Variants in COL11A1 observed in about 807,000 individuals in gnomAD.
COL11A1 encodes collagen type XI alpha 1 chain, also known as collagen alpha-1(XI) chain.
In COL11A1, 74 loss-of-function variants were observed where a neutral mutation model predicts 265.2. The observed-to-expected ratio is 0.28, with a 90% CI of 0.23 to 0.34. COL11A1 has a LOEUF of 0.34. Ranked by LOEUF, COL11A1 falls within the 10% of genes least tolerant of loss-of-function variation. The pLI is 1.00. For synonymous variants in COL11A1, 816 were observed against 727.6 expected (o/e 1.12, Z -1.96); for missense variants, 2,165 against 2,263.6 (o/e 0.96, Z 0.88).
rs192166551 is a variant in COL11A1, at chr1:102,880,254, A to T, written c.5041-338T>A. Among the ~76,000 whole-genome samples the T allele has an allele frequency of 3.9e-4, 60 of 152,312 alleles. No individual in the cohort carries two copies. In the East Asian group the frequency reaches 0.011, roughly 27 times the overall value. Reference sequence around the variant, plus strand: ...TATTTCTGTATCTTTTTGAAAAAAAAATTGGTAAAATAATGGAACAATGAA... The same window carrying T: ...TATTTCTGTATCTTTTTGAAAAAAATATTGGTAAAATAATGGAACAATGAA... On this transcript the variant is annotated intron_variant, in intron 65 of 66. Coordinates refer to ENST00000370096, the MANE Select transcript of COL11A1 (RefSeq NM_001854.4).
chr1:103,057,871 A>G (rs1317136548), intron 4 of COL11A1, among the ~76,000 whole-genome samples: 3 of 152,164 alleles, frequency 2.0e-5, no homozygotes, highest in Admixed American at 2.0e-4. Flanking sequence ...ATTTAGTATA[A>G]TTCTTAAGGG....
intron 1 of COL11A1, among the ~76,000 whole-genome samples, chr1:103,098,142 C>A (rs1324946975): frequency 6.6e-6 from 1 of 151,774 alleles, no homozygotes; most frequent in African/African-American, 2.4e-5. Context: ...CTGAGAAGAG[C>A]AATATTTATT....
At chr1:102,878,642 C>T (rs962132928) in intron 66 of COL11A1, among the ~76,000 whole-genome samples, 4 of 150,612 alleles carry the variant, frequency 2.7e-5, no homozygotes, top group Admixed American at 6.6e-5. Flanking sequence ...TCCTGAGTAG[C>T]TGGACCTACT....
At chr1:102,883,786 A>T (rs1000752069) in intron 63 of COL11A1, among the ~76,000 whole-genome samples, 2 of 151,386 alleles carry the variant, frequency 1.3e-5, no homozygotes, top group African/African-American at 2.4e-5. Context: ...AGCCTCAGAG[A>T]TCATACCTCT....
chr1:103,043,884 G>T (rs375428822), intron 4 of COL11A1, among the ~76,000 whole-genome samples: 24 of 152,120 alleles, frequency 1.6e-4, no homozygotes, highest in African/African-American at 5.8e-4. Context: ...AAGTAGCCTT[G>T]TATGTGCCAG....
intron 49 of COL11A1, among the ~76,000 whole-genome samples, chr1:102,919,689 T>A (rs1655755333): frequency 6.6e-6 from 1 of 152,004 alleles, no homozygotes; most frequent in African/African-American, 2.4e-5. Flanking sequence ...ATTTTGACAT[T>A]TTTATAAAAG....
At chr1:102,993,912 C>T (rs1194454730) in intron 28 of COL11A1, among the ~76,000 whole-genome samples, 3 of 152,076 alleles carry the variant, frequency 2.0e-5, no homozygotes, top group Non-Finnish European at 4.4e-5. Flanking sequence ...TCCATGGATG[C>T]AGAACCCATA....
chr1:102,950,564 A>G (rs549641691), intron 41 of COL11A1, among the ~76,000 whole-genome samples: 1 of 152,232 alleles, frequency 6.6e-6, no homozygotes, highest in South Asian at 2.1e-4. Flanking sequence ...TTTATATCTT[A>G]GCATTCTACT....
At chr1:102,959,004 G>A (rs1050872726) in intron 41 of COL11A1, among the ~76,000 whole-genome samples, 1 of 151,982 alleles carries the variant, frequency 6.6e-6, no homozygotes, top group Non-Finnish European at 1.5e-5. Context: ...CTACTACCTC[G>A]CCCCCTCCGT....
chr1:102,979,749 G>A (rs947480143), intron 31 of COL11A1: 5 of 371,972 alleles, frequency 1.3e-5, no homozygotes, highest in African/African-American at 6.3e-5. Flanking sequence ...GTATTGCAAT[G>A]TAAAATTCTT....
intron 37 of COL11A1, among the ~76,000 whole-genome samples, chr1:102,969,332 A>G (rs1396883949): frequency 2.6e-5 from 4 of 152,182 alleles, no homozygotes; most frequent in African/African-American, 7.2e-5. Flanking sequence ...TGCAACTCCA[A>G]TATGTATTCA....
intron 4 of COL11A1, among the ~76,000 whole-genome samples, chr1:103,067,777 T>A (rs1256144924): frequency 2.0e-5 from 3 of 151,532 alleles, no homozygotes; most frequent in African/African-American, 7.2e-5. Flanking sequence ...CAGTAGAAAT[T>A]TTAAAGATAT....
chr1:103,084,707 T>C (rs1571244063), intron 1 of COL11A1, among the ~76,000 whole-genome samples: 1 of 152,160 alleles, frequency 6.6e-6, no homozygotes, highest in East Asian at 1.9e-4. Context: ...GCAGTTCAAG[T>C]ATTATTTTAA....
At chr1:102,930,770 T>A (rs1049992987) in intron 46 of COL11A1, among the ~76,000 whole-genome samples, 1 of 151,652 alleles carries the variant, frequency 6.6e-6, no homozygotes, top group Non-Finnish European at 1.5e-5. Context: ...CAATTTCAGA[T>A]CCTGTTATTG....
intron 46 of COL11A1, among the ~76,000 whole-genome samples, chr1:102,932,009 T>C (rs1319599932): frequency 6.6e-6 from 1 of 150,560 alleles, no homozygotes; most frequent in Non-Finnish European, 1.5e-5. Flanking sequence ...ATGGGTTTCC[T>C]GAATACAGCA....
intron 1 of COL11A1, among the ~76,000 whole-genome samples, chr1:103,088,352 T>G (rs1353628471): frequency 3.9e-5 from 6 of 151,982 alleles, no homozygotes; most frequent in Non-Finnish European, 7.4e-5. Flanking sequence ...AAAGAGTTTT[T>G]TTTTGTCAGA....
intron 66 of COL11A1, among the ~76,000 whole-genome samples, chr1:102,878,378 T>G (rs1649767237): frequency 6.7e-6 from 1 of 148,162 alleles, no homozygotes; most frequent in Non-Finnish European, 1.5e-5. Flanking sequence ...TGTAATTACT[T>G]AACTATGATA....
At chr1:103,022,691 A>G (rs1477800589) in intron 8 of COL11A1, 51 bp downstream of exon 8, 1 of 1,608,236 alleles carries the variant, frequency 6.2e-7, no homozygotes, top group South Asian at 1.1e-5. Flanking sequence ...TGGACATAAA[A>G]ATATCCCATA....
chr1:102,937,570 G>A (rs1658275144), intron 44 of COL11A1, among the ~76,000 whole-genome samples: 1 of 152,122 alleles, frequency 6.6e-6, no homozygotes, highest in Admixed American at 6.5e-5. Context: ...TTCTTGCTCT[G>A]GGGAGATTGA....
Sources: gnomAD v4.1 joint callset for allele counts (sites outside exome capture counted in the v4.1 genomes callset) on GRCh38, gnomAD v4.1.1 for gene constraint, MANE v1.5 for transcripts, NCBI Gene and HGNC (gene_info 2026-07-23, HGNC 2026-07-21) for gene names.